The following CPNE4 variants were observed in gnomAD, a reference collection of about 807,000 sequenced individuals.
CPNE4 encodes copine 4.
CPNE4 carries 25 observed loss-of-function variants against 67.9 expected under a neutral mutation model. That is an observed-to-expected ratio of 0.37 (90% CI 0.27 to 0.51). CPNE4 has a LOEUF of 0.51. CPNE4 is among the 20% of genes least tolerant of loss of function. CPNE4 has a pLI of 0.93. For synonymous variants in CPNE4, 242 were observed against 244.9 expected (o/e 0.99, Z 0.11); for missense variants, 464 against 690.8 (o/e 0.67, Z 3.68).
chr3:131,951,096 T>C (rs756808028), intron 1 of CPNE4, among the ~76,000 whole-genome samples: 2 of 152,312 alleles, frequency 1.3e-5, no homozygotes, highest in Non-Finnish European at 2.9e-5. Context: ...AGATAATTTA[T>C]TGGAATTATA....
intron 1 of CPNE4, among the ~76,000 whole-genome samples, chr3:131,964,723 G>C (rs187789327): frequency 2.0e-5 from 3 of 152,236 alleles, no homozygotes; most frequent in African/African-American, 7.2e-5. Flanking sequence ...ATGGGACTAT[G>C]TGAAAAAACC....
At chr3:131,853,373 G>A (rs1165592451) in intron 2 of CPNE4, among the ~76,000 whole-genome samples, 1 of 151,760 alleles carries the variant, frequency 6.6e-6, no homozygotes, top group Non-Finnish European at 1.5e-5. Flanking sequence ...CGATACTTGT[G>A]TGTGTGTGTG....
At chr3:131,854,101 T>A (rs529884597) in intron 2 of CPNE4, among the ~76,000 whole-genome samples, 55 of 151,928 alleles carry the variant, frequency 3.6e-4, no homozygotes, top group Non-Finnish European at 6.9e-4. Context: ...ATCTCAGCCT[T>A]ATTCACAATA....
intron 14 of CPNE4, among the ~76,000 whole-genome samples, chr3:131,544,081 A>G (rs1447069742): frequency 6.6e-6 from 1 of 152,232 alleles, no homozygotes; most frequent in Non-Finnish European, 1.5e-5. Flanking sequence ...GAGAGGCATC[A>G]TGATGGCCTT....
chr3:131,941,899 T>C (rs974342623), intron 1 of CPNE4, among the ~76,000 whole-genome samples: 9 of 152,086 alleles, frequency 5.9e-5, no homozygotes, highest in African/African-American at 1.7e-4. Context: ...AGGTTTTAAT[T>C]AGCTTTAAAA....
chr3:131,599,141 A>C (rs1939064945), intron 7 of CPNE4, among the ~76,000 whole-genome samples: 1 of 152,254 alleles, frequency 6.6e-6, no homozygotes, highest in African/African-American at 2.4e-5. Context: ...TCCATAATTT[A>C]GTATTTGGAA....
intron 2 of CPNE4, among the ~76,000 whole-genome samples, chr3:131,875,362 C>A (rs79463520): frequency 0.32 from 49,356 of 151,982 alleles, 8,548 homozygotes; most frequent in African/African-American, 0.43. Flanking sequence ...AAACATGCTG[C>A]TATAAAGACA....
chr3:131,893,236 G>A (rs2088186142), intron 2 of CPNE4, among the ~76,000 whole-genome samples: 1 of 151,890 alleles, frequency 6.6e-6, no homozygotes, highest in Admixed American at 6.6e-5. Flanking sequence ...AGACAAAGAA[G>A]AGCGTTATAA....
chr3:131,777,822 T>G (rs1320033528), intron 2 of CPNE4, among the ~76,000 whole-genome samples: 1 of 152,102 alleles, frequency 6.6e-6, no homozygotes, highest in African/African-American at 2.4e-5. Context: ...TTCTTGGATG[T>G]GGCTGAAAGG....
chr3:131,758,668 A>T (rs964241130), intron 2 of CPNE4, among the ~76,000 whole-genome samples: 1 of 152,012 alleles, frequency 6.6e-6, no homozygotes, highest in Admixed American at 6.6e-5. Context: ...GGGCAGATTG[A>T]TGTGGTTTGG....
intron 7 of CPNE4, among the ~76,000 whole-genome samples, chr3:131,648,782 T>A (rs1464651892): frequency 2.0e-5 from 3 of 152,114 alleles, no homozygotes; most frequent in Non-Finnish European, 2.9e-5. Context: ...CGCTATGAAA[T>A]AAGGGCAGGT....
chr3:131,829,194 G>A (rs967104215), intron 2 of CPNE4, among the ~76,000 whole-genome samples: 4 of 152,270 alleles, frequency 2.6e-5, no homozygotes, highest in African/African-American at 9.6e-5. Flanking sequence ...ACCTCCCATC[G>A]AGTTCCTCCC....
chr3:131,957,010 T>C (rs2071995794), intron 1 of CPNE4, among the ~76,000 whole-genome samples: 1 of 152,252 alleles, frequency 6.6e-6, no homozygotes, highest in African/African-American at 2.4e-5. Context: ...ACATGTGTTA[T>C]AGCCACACTA....
At chr3:131,924,525 T>C (rs139738166) in intron 1 of CPNE4, among the ~76,000 whole-genome samples, 3 of 152,298 alleles carry the variant, frequency 2.0e-5, no homozygotes, top group African/African-American at 4.8e-5. Context: ...AGGAATCACT[T>C]GGAGATCTTT....
intron 2 of CPNE4, among the ~76,000 whole-genome samples, chr3:131,876,272 AAAT>A (rs2087445502): frequency 6.9e-6 from 1 of 143,928 alleles, no homozygotes; most frequent in African/African-American, 2.9e-5. Context: ...ATAAATAAAT[AAAT>A]AAATAAATAC....
rs544505428 is a variant in CPNE4, at chr3:131,744,929, A to T, written c.181-21304T>A. On this transcript the variant is annotated intron_variant, in intron 2 of 15. Transcript: ENST00000429747. ...GATTTTCTTGTGATCACAAATCTTA[A>T]TTTCTTTGGGATAAACGCCCAAGTG... Among the ~76,000 whole-genome samples, 111 of 152,240 alleles carry T rather than the reference A, an allele frequency of 7.3e-4. 1 individual carries two copies. Among genetic ancestry groups the T allele is most frequent in the African/African-American group, 2.6e-3 (108 of 41,564 alleles).
intron 1 of CPNE4, among the ~76,000 whole-genome samples, chr3:131,911,040 C>A (rs1266028892): frequency 6.6e-6 from 1 of 152,122 alleles, no homozygotes; most frequent in Non-Finnish European, 1.5e-5. Context: ...GTATACCACC[C>A]TCACCTTGAG....
At chr3:131,687,007 C>T (rs1305670247) in intron 5 of CPNE4, among the ~76,000 whole-genome samples, 3 of 152,150 alleles carry the variant, frequency 2.0e-5, no homozygotes, top group African/African-American at 7.2e-5. Context: ...TTTCTATCCA[C>T]ACTATTTTAC....
intron 1 of CPNE4, among the ~76,000 whole-genome samples, chr3:132,028,833 A>AG (rs1459698575): frequency 3.3e-5 from 5 of 151,826 alleles, no homozygotes; most frequent in Non-Finnish European, 5.9e-5. Context: ...TAGTACTAGA[A>AG]AAAAAAGAAT....
Sources: allele counts gnomAD v4.1 joint callset (sites outside exome capture counted in the v4.1 genomes callset), GRCh38; gene constraint gnomAD v4.1.1; transcripts MANE v1.5; gene names NCBI Gene and HGNC (gene_info 2026-07-23, HGNC 2026-07-21).